CAST: variants seen among roughly 807,000 people sequenced by gnomAD.
CAST encodes the protein MIR583 host.
Under a neutral mutation model 119.6 loss-of-function variants are expected in CAST, and 76 were observed. The ratio of observed to expected loss-of-function variants is 0.64; its 90% CI spans 0.53 to 0.77. CAST has a LOEUF of 0.77. CAST is among the 30% of genes least tolerant of loss of function. The pLI, the probability that CAST is intolerant of heterozygous loss-of-function variation, is 0.00. For synonymous variants in CAST, 319 were observed against 331.6 expected, an observed-to-expected ratio of 0.96 and a Z score of 0.41; for missense variants, 953 against 946.5, an observed-to-expected ratio of 1.01 and a Z score of -0.09.
the CAST span, among the ~76,000 whole-genome samples, chr5:96,116,525 C>G: frequency 1.6e-4 from 24 of 152,164 alleles, no homozygotes; most frequent in Non-Finnish European, 3.4e-4. Flanking sequence ...CTGTGTTGTA[C>G]TCCCCAGCAA....
intron 1 of CAST, among the ~76,000 whole-genome samples, chr5:96,638,695 T>A (rs147550121): frequency 1.3e-5 from 2 of 152,238 alleles, no homozygotes; most frequent in Non-Finnish European, 2.9e-5. Context: ...ACTCTCAAAG[T>A]CCCTCTCAGC....
chr5:96,473,833 G>A, the CAST span, among the ~76,000 whole-genome samples: 1 of 152,320 alleles, frequency 6.6e-6, no homozygotes, highest in African/African-American at 2.4e-5. Flanking sequence ...AGGGGATGTA[G>A]GTGGGTAACT....
chr5:96,588,452 G>A (rs182856501), intron 1 of CAST, among the ~76,000 whole-genome samples: 447 of 151,928 alleles, frequency 2.9e-3, no homozygotes, highest in African/African-American at 0.01. Flanking sequence ...TGCCTGCCTC[G>A]GCCTCCCAAA....
chr5:96,491,338 A>AG, the CAST span, among the ~76,000 whole-genome samples: 1 of 149,710 alleles, frequency 6.7e-6, no homozygotes, highest in Non-Finnish European at 1.5e-5. Context: ...TACAAAAAAA[A>AG]AACTTAGCCG....
chr5:96,643,065 T>G (rs544828819), intron 1 of CAST, among the ~76,000 whole-genome samples: 1 of 152,338 alleles, frequency 6.6e-6, no homozygotes, highest in East Asian at 1.9e-4. Context: ...CTCTGGGCTG[T>G]GCTCTTAACC....
chr5:96,263,602 T>TAGAGAG, the CAST span, among the ~76,000 whole-genome samples: 80 of 146,042 alleles, frequency 5.5e-4, no homozygotes, highest in African/African-American at 1.7e-3. Context: ...GATAGCAAAT[T>TAGAGAG]AGAGAGAGAG....
chr5:96,397,369 A>G, the CAST span: 1 of 1,612,710 alleles, frequency 6.2e-7, no homozygotes, highest in Non-Finnish European at 8.5e-7. Context: ...AAGTACCTAT[A>G]GGGTTCTCTC....
At chr5:96,558,903 A>G (rs1454822552) in intron 1 of CAST, among the ~76,000 whole-genome samples, 3 of 152,032 alleles carry the variant, frequency 2.0e-5, no homozygotes, top group Non-Finnish European at 4.4e-5. Context: ...AGACACAACA[A>G]AAAAAGAGAA....
At chr5:95,987,413 G>A in the CAST span, among the ~76,000 whole-genome samples, 1 of 152,184 alleles carries the variant, frequency 6.6e-6, no homozygotes, top group South Asian at 2.1e-4. Flanking sequence ...CAGTCAACCT[G>A]ATGATGTTGT....
the CAST span, among the ~76,000 whole-genome samples, chr5:96,072,175 A>G: frequency 9.2e-5 from 14 of 152,058 alleles, no homozygotes; most frequent in Non-Finnish European, 1.8e-4. Context: ...GGTATGGAGC[A>G]TTATACCTTG....
chr5:96,660,030 T>C (rs1748223758), upstream of CAST, among the ~76,000 whole-genome samples: 1 of 152,238 alleles, frequency 6.6e-6, no homozygotes, highest in Non-Finnish European at 1.5e-5. Context: ...AGCCTGAAGG[T>C]TAGGGTTATT....
the CAST span, among the ~76,000 whole-genome samples, chr5:96,466,301 C>T: frequency 2.6e-5 from 4 of 152,006 alleles, no homozygotes; most frequent in Admixed American, 2.0e-4. Context: ...TATTTGTTCA[C>T]GTTTTTATTC....
At chr5:96,038,244 C>T in the CAST span, among the ~76,000 whole-genome samples, 1 of 152,214 alleles carries the variant, frequency 6.6e-6, no homozygotes, top group African/African-American at 2.4e-5. Context: ...GGCTAGGAAT[C>T]TTTGCACAAA....
chr5:96,054,334 C>G, the CAST span, among the ~76,000 whole-genome samples: 2 of 152,072 alleles, frequency 1.3e-5, no homozygotes, highest in African/African-American at 4.8e-5. Flanking sequence ...CACACTGTAG[C>G]TTTGAACTCC....
chr5:96,759,332 A>G (rs1304524971), intron 24 of CAST, among the ~76,000 whole-genome samples: 3 of 152,200 alleles, frequency 2.0e-5, no homozygotes, highest in Admixed American at 2.0e-4. Context: ...GAAATGCTAT[A>G]TAAAAAGAAA....
the CAST span, among the ~76,000 whole-genome samples, chr5:96,201,576 A>G: frequency 2.0e-5 from 3 of 152,020 alleles, no homozygotes; most frequent in African/African-American, 7.2e-5. Context: ...AGAAACCCCA[A>G]TGTGTCCACT....
At chr5:96,719,621 A>G (rs1213510547) in intron 3 of CAST, among the ~76,000 whole-genome samples, 1 of 152,208 alleles carries the variant, frequency 6.6e-6, no homozygotes, top group East Asian at 1.9e-4. Context: ...TACATGGGTC[A>G]TTTGGGAGGG....
the CAST span, among the ~76,000 whole-genome samples, chr5:96,179,014 C>T: frequency 1.3e-5 from 2 of 152,174 alleles, no homozygotes; most frequent in African/African-American, 4.8e-5. Flanking sequence ...CCCTTGTACA[C>T]CAATCAGTCA....
the CAST span, among the ~76,000 whole-genome samples, chr5:96,452,640 TAAAAAAA>T: frequency 0.032 from 2,842 of 90,118 alleles, 96 homozygotes; most frequent in Admixed American, 0.11. Flanking sequence ...TAAAGTATAA[TAAAAAAA>T]AAAAAAAAAA....
Sources: gnomAD v4.1 joint callset for allele counts (sites outside exome capture counted in the v4.1 genomes callset) on GRCh38, gnomAD v4.1.1 for gene constraint, MANE v1.5 for transcripts, NCBI Gene and HGNC (gene_info 2026-07-23, HGNC 2026-07-21) for gene names.